Variants in UGT1A10 observed in about 807,000 individuals in gnomAD.
The protein encoded by UGT1A10 is UDP glucuronosyltransferase family 1 member A10.
Under a neutral mutation model 45.8 loss-of-function variants are expected in UGT1A10, and 49 were observed. The ratio of observed to expected loss-of-function variants is 1.07; its 90% CI spans 0.85 to 1.36. UGT1A10 has a LOEUF of 1.36. Among genes scored for constraint, UGT1A10 ranks in the 40% most tolerant of loss-of-function variants. The probability of loss-of-function intolerance (pLI) is 0.00; values close to 1 mark genes in which losing one functional copy is unlikely to be tolerated. For missense variants in UGT1A10, 745 were observed against 668.6 expected, an observed-to-expected ratio of 1.11 and a Z score of -1.26; for synonymous variants, 284 against 249.7, an observed-to-expected ratio of 1.14 and a Z score of -1.29.
At chr2:233,675,757 C>G (rs1296567461) in intron 1 of UGT1A10, among the ~76,000 whole-genome samples, 1 of 152,060 alleles carries the variant, frequency 6.6e-6, no homozygotes, top group Non-Finnish European at 1.5e-5. Flanking sequence ...TTTATTCTAT[C>G]TTTTTAAAGA....
intron 1 of UGT1A10, among the ~76,000 whole-genome samples, chr2:233,714,198 A>C (rs2125637992): frequency 6.6e-6 from 1 of 152,336 alleles, no homozygotes; most frequent in South Asian, 2.1e-4. Context: ...CTACACTGAG[A>C]ACTGATCCAT....
At chr2:233,729,314 C>T (rs771299324) in intron 1 of UGT1A10, 4 of 1,614,130 alleles carry the variant, frequency 2.5e-6, no homozygotes, top group East Asian at 4.5e-5. Flanking sequence ...GTCCTCACCC[C>T]AGAGGTGAAT....
chr2:233,714,550 T>C (rs1403377657), intron 1 of UGT1A10, among the ~76,000 whole-genome samples: 5 of 152,252 alleles, frequency 3.3e-5, no homozygotes, highest in African/African-American at 7.2e-5. Context: ...AAGTGTCCAA[T>C]AGAAATATCA....
intron 1 of UGT1A10, among the ~76,000 whole-genome samples, chr2:233,643,077 C>T (rs2073498006): frequency 6.6e-6 from 1 of 152,218 alleles, no homozygotes; most frequent in Non-Finnish European, 1.5e-5. Flanking sequence ...TTGCTCAACG[C>T]CCTTGGGCTT....
chr2:233,765,616 G>A (rs1387784053), intron 1 of UGT1A10, among the ~76,000 whole-genome samples: 1 of 151,774 alleles, frequency 6.6e-6, no homozygotes, highest in Non-Finnish European at 1.5e-5. Flanking sequence ...CGGGGTGAGG[G>A]GTGAGGGGAG....
intron 1 of UGT1A10, among the ~76,000 whole-genome samples, chr2:233,649,921 T>C (rs1158218911): frequency 2.6e-5 from 4 of 152,196 alleles, no homozygotes; most frequent in Admixed American, 2.0e-4. Context: ...CTGGTAAATC[T>C]ATGTTTCATC....
In UGT1A10 at chr2:233,750,906, G is replaced by C. The variant is rs147161885; in HGVS notation, c.856-16128G>C. Among the ~76,000 whole-genome samples, 893 of 152,034 alleles carry C rather than the reference G, an allele frequency of 5.9e-3. 37 individuals carry two copies. Among genetic ancestry groups the C allele is most frequent in the African/African-American group, 0.021 (857 of 41,250 alleles). On this transcript the variant is annotated intron_variant, in intron 1 of 4. Coordinates refer to ENST00000344644, the MANE Select transcript of UGT1A10 (RefSeq NM_019075.4). ...GCCCTTATAGAGAACCTCTGCTAGA[G>C]AAGGGTGGTAAAGAAATGTGAGGTT...
Position 233,767,859 on chromosome 2 carries a change from G to T in UGT1A10, c.998G>T (p.Arg333Leu). Residue 333 changes from arginine (R) to leucine (L), a missense_variant, in exon 3 of 5, where the codon CGG becomes CTG. Arg to Leu is a moderately radical substitution (Grantham distance 102, BLOSUM62 -2). Coordinates refer to ENST00000344644, the MANE Select transcript of UGT1A10 (RefSeq NM_019075.4). ...TTTTGCCCCTCCCAGGTCCTGTGGC[G>T]GTACACTGGAACCCGACCATCGAAT... ...LGKIPQTVLW[R>L]YTGTRPSNLA... 6.2e-7 allele frequency: 1 copy of T among 1,614,058 alleles called. No individual in the cohort carries two copies.
chr2:233,700,361 G>A (rs764696456), intron 1 of UGT1A10, among the ~76,000 whole-genome samples: 35 of 152,274 alleles, frequency 2.3e-4, no homozygotes, highest in Middle Eastern at 3.4e-3. Flanking sequence ...CTTTATGGCT[G>A]ATTATCTGGG....
chr2:233,661,683 T>TTTCTTTC (rs1559329478), intron 1 of UGT1A10, among the ~76,000 whole-genome samples: 1 of 39,388 alleles, frequency 2.5e-5, no homozygotes, highest in African/African-American at 1.2e-4. Flanking sequence ...TTCTTTCTTT[T>TTTCTTTC]TAAACAAAGG....
intron 1 of UGT1A10, among the ~76,000 whole-genome samples, chr2:233,765,889 C>T (rs1032509940): frequency 6.6e-6 from 1 of 152,020 alleles, no homozygotes; most frequent in Admixed American, 6.5e-5. Context: ...TTTCTCAGTG[C>T]GCCACTGCTC....
At chr2:233,734,256 G>A (rs1200658913) in intron 1 of UGT1A10, among the ~76,000 whole-genome samples, 1 of 151,990 alleles carries the variant, frequency 6.6e-6, no homozygotes, top group Non-Finnish European at 1.5e-5. Flanking sequence ...GTCTTGGGAG[G>A]GTGTATGTGT....
intron 1 of UGT1A10, among the ~76,000 whole-genome samples, chr2:233,710,804 T>A (rs1263118974): frequency 6.6e-6 from 1 of 152,240 alleles, no homozygotes; most frequent in Non-Finnish European, 1.5e-5. Context: ...GTACCCCTCG[T>A]GCCCTATCTA....
Position 233,769,434 on chromosome 2 carries a change from T to C in UGT1A10, c.1295+995T>C, listed in dbSNP as rs999407687. 1.3e-5 allele frequency: 20 copies of C among 1,542,190 alleles called. No homozygotes were observed. Among genetic ancestry groups the C allele is most frequent in the Non-Finnish European group, 1.7e-5 (19 of 1,120,764 alleles). On this transcript the variant is annotated intron_variant, in intron 4 of 4. Coordinates refer to ENST00000344644, the MANE Select transcript of UGT1A10 (RefSeq NM_019075.4). This position sits in a 1 kb window ranked among gnomAD's most constrained non-coding sequence, Gnocchi z 4.4. ...GCGTTTGTGCATGTGGCTGTGCTCA[T>C]GTGTGGGTGCACACGTGTGCATTCA...
At chr2:233,742,936 C>T (rs78644424) in intron 1 of UGT1A10, 5,022 of 211,572 alleles carry the variant, frequency 0.024, 84 homozygotes, top group Non-Finnish European at 0.03. Flanking sequence ...ACATTCTGTC[C>T]TACCACTAGC....
intron 1 of UGT1A10, among the ~76,000 whole-genome samples, chr2:233,733,498 T>C (rs1311327798): frequency 2.0e-5 from 3 of 152,236 alleles, no homozygotes; most frequent in Non-Finnish European, 4.4e-5. Context: ...ACCTAGTTTA[T>C]TGCCAGTTTT....
intron 1 of UGT1A10, among the ~76,000 whole-genome samples, chr2:233,762,607 TTTG>T (rs1336079545): frequency 6.6e-6 from 1 of 152,220 alleles, no homozygotes; most frequent in Non-Finnish European, 1.5e-5. Flanking sequence ...TTCCAGGAGT[TTTG>T]TTGTTGTGAC....
intron 1 of UGT1A10, among the ~76,000 whole-genome samples, chr2:233,763,098 A>G (rs1698235634): frequency 6.6e-6 from 1 of 152,204 alleles, no homozygotes; most frequent in South Asian, 2.1e-4. Context: ...TAGGAGAGGC[A>G]CCGAACTTTA....
At chr2:233,706,327 CA>C (rs1479575351) in intron 1 of UGT1A10, among the ~76,000 whole-genome samples, 1 of 152,160 alleles carries the variant, frequency 6.6e-6, no homozygotes, top group Non-Finnish European at 1.5e-5. Context: ...TGGAACTATT[CA>C]AGCTGGTGAC....
Sources: gnomAD v4.1 joint callset for allele counts (sites outside exome capture counted in the v4.1 genomes callset) on GRCh38, gnomAD v4.1.1 for gene constraint, Gnocchi (gnomAD v3.1) non-coding constraint, MANE v1.5 for transcripts, NCBI Gene and HGNC (gene_info 2026-07-23, HGNC 2026-07-21) for gene names.